COPG2: variants seen among roughly 807,000 people sequenced by gnomAD.
COPG2 encodes the protein coatomer subunit gamma-2.
In COPG2, 37 loss-of-function variants were observed where a neutral mutation model predicts 46.3. The ratio of observed to expected loss-of-function variants is 0.80; its 90% CI spans 0.61 to 1.05. The LOEUF is 1.05. Among genes scored for constraint, COPG2 ranks in the 50% least tolerant of loss-of-function variants. The pLI is 0.00. For missense variants in COPG2, 427 were observed against 387.8 expected, an observed-to-expected ratio of 1.10 and a Z score of -0.85; for synonymous variants, 159 against 129.7, an observed-to-expected ratio of 1.23 and a Z score of -1.53.
chr7:130,533,542 A>G (rs1333909742), intron 20 of COPG2, among the ~76,000 whole-genome samples: 3 of 151,674 alleles, frequency 2.0e-5, no homozygotes, highest in Admixed American at 2.0e-4. Flanking sequence ...AGGTGAGAGG[A>G]AGGAAGGTCG....
At chr7:130,509,560 A>C in intron 20 of COPG2, 1 of 423,548 alleles carries the variant, frequency 2.4e-6, no homozygotes, top group Admixed American at 2.4e-5. Flanking sequence ...TTGGGTAATA[A>C]GACTTTCATC....
chr7:130,619,345 G>A (rs1795000808), intron 5 of COPG2, among the ~76,000 whole-genome samples: 2 of 152,168 alleles, frequency 1.3e-5, no homozygotes, highest in Non-Finnish European at 2.9e-5. Context: ...ATGTAAGAGT[G>A]TCTTTTGTTT....
rs1412739599 is a variant in COPG2 at position 130,508,668 on chromosome 7, G to A, written c.2150-9C>T. The A allele has an allele frequency of 1.3e-6, 1 of 750,614 alleles. No individual in the cohort carries two copies. Among genetic ancestry groups the A allele is most frequent in the Non-Finnish European group, 2.5e-6 (1 of 402,536 alleles). The allele number at this position is 750,614 out of a possible 1,614,324, so 46.5% of individuals were successfully genotyped here. A position where few individuals can be genotyped will look rare whatever the true frequency, so the allele number is the denominator to read the frequency against. On this transcript the variant is annotated splice_polypyrimidine_tract_variant and intron_variant, in intron 20 of 23. Coordinates refer to ENST00000425248, the MANE Select transcript of COPG2 (RefSeq NM_012133.6). ...GCTAAAGGAGCCTGCAACTGGAGGA[G>A]AAGGGAGGCAAACCTGCATCAGTGG...
intron 11 of COPG2, among the ~76,000 whole-genome samples, chr7:130,561,530 G>T (rs1386134001): frequency 6.6e-6 from 1 of 152,260 alleles, no homozygotes; most frequent in Middle Eastern, 3.4e-3. Flanking sequence ...TCTATTAGAT[G>T]TTAGGAGTAC....
intron 9 of COPG2, among the ~76,000 whole-genome samples, chr7:130,565,063 T>C (rs1793781049): frequency 6.6e-6 from 1 of 152,228 alleles, no homozygotes. Context: ...TTAGGGGGCT[T>C]TGAAAATTTC....
At chr7:130,621,943 C>CAAAAAAA (rs562107230) in intron 5 of COPG2, among the ~76,000 whole-genome samples, 1 of 67,538 alleles carries the variant, frequency 1.5e-5, no homozygotes, top group African/African-American at 4.9e-5. Context: ...GACTCCATCT[C>CAAAAAAA]AAAAAAAAAA....
At chr7:130,590,680 C>T (rs587609923) in intron 9 of COPG2, among the ~76,000 whole-genome samples, 10 of 152,050 alleles carry the variant, frequency 6.6e-5, no homozygotes, top group African/African-American at 2.2e-4. Context: ...GCCACCACCC[C>T]GTCTGGGAAG....
chr7:130,597,048 G>A (rs1385703677), intron 9 of COPG2, among the ~76,000 whole-genome samples: 3 of 152,138 alleles, frequency 2.0e-5, no homozygotes, highest in African/African-American at 2.4e-5. Flanking sequence ...CTTGACCCTC[G>A]CGGGAACTGC....
At chr7:130,521,034 T>C (rs1335479917) in intron 20 of COPG2, among the ~76,000 whole-genome samples, 1 of 152,138 alleles carries the variant, frequency 6.6e-6, no homozygotes, top group Non-Finnish European at 1.5e-5. Flanking sequence ...AGAAAATAGG[T>C]TGAGTTTTTT....
At chr7:130,610,927 A>G (rs1211874105) in intron 9 of COPG2, 26 bp downstream of exon 9, 2 of 1,612,972 alleles carry the variant, frequency 1.2e-6, no homozygotes, top group Non-Finnish European at 8.5e-7. Context: ...ATGGAAAATA[A>G]CCCAGGTTTA....
chr7:130,603,201 T>A (rs1412566891), intron 9 of COPG2, among the ~76,000 whole-genome samples: 2 of 152,198 alleles, frequency 1.3e-5, no homozygotes, highest in Admixed American at 6.5e-5. Context: ...ATCACTATAC[T>A]AACTTTCAAT....
At chr7:130,607,109 T>C (rs1220043498) in intron 9 of COPG2, among the ~76,000 whole-genome samples, 2 of 151,948 alleles carry the variant, frequency 1.3e-5, no homozygotes, top group Non-Finnish European at 2.9e-5. Flanking sequence ...GGTGTGGTGG[T>C]GCATCCCTGT....
chr7:130,645,124 G>T, intron 5 of COPG2: 1 of 438,752 alleles, frequency 2.3e-6, no homozygotes. Context: ...TCAGGTGACT[G>T]GAAAAAGCAG....
intron 20 of COPG2, chr7:130,510,852 G>T (rs1479213986): frequency 3.9e-6 from 2 of 509,952 alleles, no homozygotes; most frequent in African/African-American, 1.9e-5. Flanking sequence ...CAAGATGCGG[G>T]GGCCTTTCCA....
intron 9 of COPG2, among the ~76,000 whole-genome samples, chr7:130,572,285 TCC>T (rs1175163111): frequency 3.9e-5 from 6 of 152,082 alleles, no homozygotes; most frequent in African/African-American, 1.4e-4. Context: ...AGATGTCTAG[TCC>T]CACCCAATAA....
chr7:130,664,984 C>T (rs1796045379), intron 3 of COPG2, among the ~76,000 whole-genome samples: 1 of 152,050 alleles, frequency 6.6e-6, no homozygotes, highest in Non-Finnish European at 1.5e-5. Flanking sequence ...AGTTTGAGAC[C>T]CACCTGGCCA....
chr7:130,569,943 A>G (rs1323513864), intron 9 of COPG2, among the ~76,000 whole-genome samples: 1 of 152,250 alleles, frequency 6.6e-6, no homozygotes, highest in Non-Finnish European at 1.5e-5. Context: ...AAACAGAATT[A>G]AAAACAAAAA....
At chr7:130,528,086 G>A (rs1799790722) in intron 20 of COPG2, among the ~76,000 whole-genome samples, 1 of 152,110 alleles carries the variant, frequency 6.6e-6, no homozygotes, top group Non-Finnish European at 1.5e-5. Context: ...GGAGGCAGGA[G>A]GAGGGTGGGA....
intron 20 of COPG2, chr7:130,510,155 C>T (rs1354464592): frequency 5.8e-6 from 3 of 520,130 alleles, no homozygotes; most frequent in Non-Finnish European, 7.7e-6. Context: ...TAATTTAAGC[C>T]ACTGGTGGGG....
Sources: allele counts gnomAD v4.1 joint callset (sites outside exome capture counted in the v4.1 genomes callset), GRCh38; gene constraint gnomAD v4.1.1; transcripts MANE v1.5; gene names NCBI Gene and HGNC (gene_info 2026-07-23, HGNC 2026-07-21).